RAD51B: variants seen among roughly 807,000 people sequenced by gnomAD.
The protein encoded by RAD51B is DNA repair protein RAD51 homolog 2.
A neutral mutation model predicts 42.2 loss-of-function variants in RAD51B; 38 were observed. That is an observed-to-expected ratio of 0.90 (90% CI 0.70 to 1.18). RAD51B has a LOEUF of 1.18. RAD51B is among the 50% of genes most tolerant of loss of function. The pLI is 0.00. For synonymous variants in RAD51B, 154 were observed against 145.2 expected, an observed-to-expected ratio of 1.06 and a Z score of -0.43; for missense variants, 373 against 400.7, an observed-to-expected ratio of 0.93 and a Z score of 0.59.
At chr14:67,908,964 C>T (rs1260899361) in intron 7 of RAD51B, 1 of 152,020 alleles carries the variant, frequency 6.6e-6, no homozygotes, top group Admixed American at 6.6e-5. Context: ...ACTTTTTTGT[C>T]ATTCTCTTTC....
Position 68,549,249 on chromosome 14 carries a change from C to T in RAD51B, c.1037-45236C>T, listed in dbSNP as rs79910657. The stretch of plus-strand genomic sequence containing the variant: ...CCACAGTCTATAGTCACAGAATGTT[C>T]CAGGGGGAGGGATGGGGGGAGAAAA... On this transcript the variant is annotated intron_variant, in intron 10 of 10. Coordinates refer to the RAD51B transcript ENST00000487270. Among the ~76,000 whole-genome samples, 549 of 151,618 alleles carry T rather than the reference C, an allele frequency of 3.6e-3. 7 individuals carry two copies. The highest frequency in any genetic ancestry group is 0.013 in the African/African-American group (517 of 41,330).
rs112352426 is a variant in RAD51B, at chr14:68,452,496, G to A, written c.958-15676G>A. ...ACCCAATGGTAATATTAAACAAATG[G>A]TAACATTAACAATTTTAGAAATGGT... On this transcript the variant is annotated intron_variant, in intron 9 of 10. Transcript: ENST00000471583. Among the ~76,000 whole-genome samples the A allele has an allele frequency of 5.4e-3, 828 of 152,258 alleles. 4 individuals carry two copies. Among genetic ancestry groups the A allele is most frequent in the Middle Eastern group, 0.01 (3 of 294 alleles).
At chr14:68,352,516 A>G (rs948391535) in intron 8 of RAD51B, among the ~76,000 whole-genome samples, 7 of 152,362 alleles carry the variant, frequency 4.6e-5, no homozygotes, top group Middle Eastern at 3.4e-3. Flanking sequence ...AGAAACTCCT[A>G]TTTTCCTAGG....
rs118166780 is a variant in RAD51B at position 68,635,204 on chromosome 14, T to C, written c.1037-15577T>C. Among the ~76,000 whole-genome samples the C allele has an allele frequency of 7.2e-3, 1,092 of 152,294 alleles. 9 individuals carry two copies. Among genetic ancestry groups the C allele is most frequent in the South Asian group, 0.029 (140 of 4,824 alleles). On this transcript the variant is annotated intron_variant, in intron 10 of 11. Transcript: ENST00000488612. Reference sequence around the variant, plus strand: ...GATCCGATCCAATAATAGATGAGCCTAACAGTCTCCTGCTAATGGATGGGG... The same window carrying C: ...GATCCGATCCAATAATAGATGAGCCCAACAGTCTCCTGCTAATGGATGGGG...
At chr14:67,913,300 G>T (rs1333584627) in intron 7 of RAD51B, among the ~76,000 whole-genome samples, 1 of 152,118 alleles carries the variant, frequency 6.6e-6, no homozygotes, top group African/African-American at 2.4e-5. Context: ...AAGAGATTTT[G>T]ACTTATTAGT....
chr14:68,121,951 T>TTA (rs902296088), intron 7 of RAD51B, among the ~76,000 whole-genome samples: 21 of 151,298 alleles, frequency 1.4e-4, no homozygotes, highest in South Asian at 1.0e-3. Context: ...TATACATATC[T>TTA]TATATATATA....
intron 10 of RAD51B, among the ~76,000 whole-genome samples, chr14:68,584,073 C>G (rs114330938): frequency 2.0e-5 from 3 of 152,130 alleles, no homozygotes; most frequent in Admixed American, 6.5e-5. Flanking sequence ...GGCGCCCCCC[C>G]ACCCCCCATG....
chr14:68,302,143 G>A (rs1360070126), intron 8 of RAD51B, among the ~76,000 whole-genome samples: 2 of 152,176 alleles, frequency 1.3e-5, no homozygotes, highest in Non-Finnish European at 2.9e-5. Flanking sequence ...AGCTTAGTGT[G>A]ATACACTATA....
intron 7 of RAD51B, among the ~76,000 whole-genome samples, chr14:68,250,065 G>C (rs568405229): frequency 2.6e-5 from 4 of 152,146 alleles, no homozygotes; most frequent in African/African-American, 4.8e-5. Context: ...CTGCTTTGGC[G>C]CTTTAGTGAA....
chr14:68,641,698 T>C (rs11158755), intron 10 of RAD51B, among the ~76,000 whole-genome samples: 29,591 of 151,606 alleles, frequency 0.2, 3,055 homozygotes, highest in South Asian at 0.24. Context: ...ATCCACTCAA[T>C]AGAATCATAT....
chr14:68,127,539 A>T (rs2077788967), intron 7 of RAD51B, among the ~76,000 whole-genome samples: 1 of 151,790 alleles, frequency 6.6e-6, no homozygotes, highest in South Asian at 2.1e-4. Flanking sequence ...TGGGAAATAT[A>T]GGGGCTCATA....
At chr14:68,259,433 C>G (rs1223793629) in intron 7 of RAD51B, among the ~76,000 whole-genome samples, 1 of 151,540 alleles carries the variant, frequency 6.6e-6, no homozygotes, top group South Asian at 2.1e-4. Context: ...CACATGTACC[C>G]TAAAACTTAA....
chr14:68,657,921 C>G (rs928825674), intron 11 of RAD51B, among the ~76,000 whole-genome samples: 1 of 152,224 alleles, frequency 6.6e-6, no homozygotes, highest in African/African-American at 2.4e-5. Flanking sequence ...CAGCTGTTTT[C>G]CTCCTAAGCT....
At chr14:67,973,426 A>C (rs555698963) in intron 7 of RAD51B, among the ~76,000 whole-genome samples, 17 of 152,274 alleles carry the variant, frequency 1.1e-4, no homozygotes, top group South Asian at 2.1e-4. Flanking sequence ...CACACACACA[A>C]AAAACTATGT....
At chr14:68,025,394 T>C (rs1416923349) in intron 7 of RAD51B, among the ~76,000 whole-genome samples, 1 of 152,036 alleles carries the variant, frequency 6.6e-6, no homozygotes. Flanking sequence ...TCCTCAATTT[T>C]CTGAAATAGT....
intron 7 of RAD51B, among the ~76,000 whole-genome samples, chr14:68,090,599 A>C (rs1254428269): frequency 6.6e-6 from 1 of 152,020 alleles, no homozygotes; most frequent in Non-Finnish European, 1.5e-5. Context: ...GTTTGCAAAC[A>C]TACCCTAATT....
rs534673851 is a variant in RAD51B at position 68,199,168 on chromosome 14, A to G, written c.757-92716A>G. Among the ~76,000 whole-genome samples the G allele has an allele frequency of 3.9e-5, 6 of 151,996 alleles. No individual in the cohort carries two copies. The East Asian group carries it at 7.7e-4, about 20-fold the overall frequency. On this transcript the variant is annotated intron_variant, in intron 7 of 10. Transcript: ENST00000471583. ...CTTTTGACATGCTCCAGTTTTCTGT[A>G]TTTTCTTTAACTTTTGGCATCCAGA...
chr14:68,578,488 A>G (rs1373205380), intron 10 of RAD51B, among the ~76,000 whole-genome samples: 1 of 152,188 alleles, frequency 6.6e-6, no homozygotes, highest in African/African-American at 2.4e-5. Context: ...GCTTTCATGG[A>G]GGTTTCAGAA....
intron 8 of RAD51B, among the ~76,000 whole-genome samples, chr14:68,310,268 C>T (rs1282478704): frequency 6.6e-6 from 1 of 152,060 alleles, no homozygotes; most frequent in Non-Finnish European, 1.5e-5. Context: ...GATCAGATAC[C>T]CTGCTCACTG....
Sources: gnomAD v4.1 joint callset for allele counts (sites outside exome capture counted in the v4.1 genomes callset) on GRCh38, gnomAD v4.1.1 for gene constraint, MANE v1.5 for transcripts, NCBI Gene and HGNC (gene_info 2026-07-23, HGNC 2026-07-21) for gene names.